Variants in FBXL7 observed in about 807,000 individuals in gnomAD.
FBXL7 encodes F-box/LRR-repeat protein 7.
In FBXL7, 12 loss-of-function variants were observed where a neutral mutation model predicts 38.3. The observed-to-expected ratio is 0.31, with a 90% CI of 0.20 to 0.51. FBXL7 has a LOEUF of 0.51. Ranked by LOEUF, FBXL7 falls within the 20% of genes least tolerant of loss-of-function variation. The pLI is 0.98. For synonymous variants in FBXL7, 297 were observed against 300.9 expected, an observed-to-expected ratio of 0.99 and a Z score of 0.13; for missense variants, 567 against 676.4, an observed-to-expected ratio of 0.84 and a Z score of 1.79.
At chr5:15,883,315 C>G (rs919969075) in intron 2 of FBXL7, among the ~76,000 whole-genome samples, 2 of 152,016 alleles carry the variant, frequency 1.3e-5, no homozygotes, top group Admixed American at 6.6e-5. Context: ...ATTTGTTTTT[C>G]TTTAATTTTT....
Position 15,702,235 on chromosome 5 carries a change from C to CAAA in FBXL7, c.127+86179_127+86181dup, listed in dbSNP as rs34269968. ...CCTGGAAACAAAGCGAGACTCCTCTCAAAAAAAAAAAAAAAAAATTCACAG... is the reference window on the plus strand; with the variant it reads ...CCTGGAAACAAAGCGAGACTCCTCTCAAAAAAAAAAAAAAAAAAAAATTCACAG... On this transcript the variant is annotated intron_variant, in intron 2 of 3. Coordinates refer to ENST00000504595, the MANE Select transcript of FBXL7 (RefSeq NM_012304.5). 8.4e-4 allele frequency among the ~76,000 whole-genome samples: 115 copies of CAAA among 137,118 alleles called. No individual in the cohort carries two copies. The East Asian group carries it at 0.016, about 19-fold the overall frequency. The allele number at this position is 137,118 out of a possible 152,430, so 90.0% of individuals were successfully genotyped here.
chr5:15,644,538 CAGAG>C (rs113093652), intron 2 of FBXL7, among the ~76,000 whole-genome samples: 28 of 149,764 alleles, frequency 1.9e-4, no homozygotes, highest in African/African-American at 4.4e-4. Context: ...GGTGGGGGGA[CAGAG>C]AGAGAGAGAG....
chr5:15,643,056 G>T (rs1227545456), intron 2 of FBXL7, among the ~76,000 whole-genome samples: 1 of 152,008 alleles, frequency 6.6e-6, no homozygotes, highest in Non-Finnish European at 1.5e-5. Context: ...TGTTTCAGAG[G>T]GTCTGCATTG....
At chr5:15,595,070 G>A (rs1304697721) in intron 1 of FBXL7, among the ~76,000 whole-genome samples, 1 of 152,202 alleles carries the variant, frequency 6.6e-6, no homozygotes, top group East Asian at 1.9e-4. Flanking sequence ...TCCACGTGTA[G>A]TCTTTTCGCC....
intron 2 of FBXL7, among the ~76,000 whole-genome samples, chr5:15,915,863 G>T (rs1234617545): frequency 6.6e-6 from 1 of 152,134 alleles, no homozygotes; most frequent in African/African-American, 2.4e-5. Flanking sequence ...ACTTGAGCAG[G>T]GTGGGAGCAG....
chr5:15,610,854 G>A (rs1260180727), intron 1 of FBXL7, among the ~76,000 whole-genome samples: 1 of 152,076 alleles, frequency 6.6e-6, no homozygotes, highest in Non-Finnish European at 1.5e-5. Context: ...ACCCTATGAG[G>A]CAGGAATTGA....
intron 2 of FBXL7, among the ~76,000 whole-genome samples, chr5:15,800,718 T>C (rs1391256134): frequency 1.3e-5 from 2 of 152,176 alleles, no homozygotes; most frequent in South Asian, 2.1e-4. Context: ...TCTCAGCATA[T>C]GGAGGTGCAT....
At chr5:15,649,697 CTT>C (rs34675600) in intron 2 of FBXL7, among the ~76,000 whole-genome samples, 6 of 146,324 alleles carry the variant, frequency 4.1e-5, no homozygotes, top group Admixed American at 6.8e-5. Flanking sequence ...TCTTTCTTTT[CTT>C]TTTTTTTTTT....
intron 2 of FBXL7, among the ~76,000 whole-genome samples, chr5:15,653,678 A>C (rs1741780988): frequency 6.6e-6 from 1 of 152,238 alleles, no homozygotes; most frequent in Non-Finnish European, 1.5e-5. Context: ...ACAATATGTA[A>C]AAGCCATTGA....
chr5:15,714,724 C>T (rs1314249617), intron 2 of FBXL7, among the ~76,000 whole-genome samples: 1 of 151,856 alleles, frequency 6.6e-6, no homozygotes, highest in Non-Finnish European at 1.5e-5. Context: ...TGGCGGGCGC[C>T]TGTAGTCCCA....
chr5:15,671,171 A>G (rs933472355), intron 2 of FBXL7, among the ~76,000 whole-genome samples: 2 of 152,310 alleles, frequency 1.3e-5, no homozygotes, highest in South Asian at 4.2e-4. Flanking sequence ...TGTAGTGGGA[A>G]GAATGCAAAG....
intron 2 of FBXL7, among the ~76,000 whole-genome samples, chr5:15,636,858 T>C (rs1025059934): frequency 6.6e-6 from 1 of 152,182 alleles, no homozygotes; most frequent in Non-Finnish European, 1.5e-5. Flanking sequence ...ATTGGGAAAA[T>C]ACAGTAAAAT....
intron 1 of FBXL7, among the ~76,000 whole-genome samples, chr5:15,520,712 T>C (rs1737072884): frequency 1.3e-5 from 2 of 152,228 alleles, no homozygotes; most frequent in South Asian, 4.1e-4. Context: ...TTACCTTTAT[T>C]TAGCAAAGAA....
In FBXL7 at chr5:15,688,043, G is replaced by T. The variant is rs1246506591; in HGVS notation, c.127+71971G>T. ...AAAGCATGCAACTAGACTAGCGATT[G>T]CATCTTCCTGGATAGAAGAGCCTAA... On this transcript the variant is annotated intron_variant, in intron 2 of 3. Coordinates refer to ENST00000504595, the MANE Select transcript of FBXL7 (RefSeq NM_012304.5). Among the ~76,000 whole-genome samples, 6 of 152,316 alleles carry T rather than the reference G, an allele frequency of 3.9e-5. No homozygotes were observed. In the East Asian group the frequency reaches 5.8e-4, roughly 15 times the overall value.
chr5:15,661,178 ACAAATT>A (rs772116270), intron 2 of FBXL7, among the ~76,000 whole-genome samples: 2 of 152,158 alleles, frequency 1.3e-5, no homozygotes, highest in Non-Finnish European at 2.9e-5. Flanking sequence ...TTAGGATGAC[ACAAATT>A]CAAATTCAAA....
chr5:15,782,896 G>T (rs1015054352), intron 2 of FBXL7, among the ~76,000 whole-genome samples: 1 of 152,094 alleles, frequency 6.6e-6, no homozygotes, highest in Non-Finnish European at 1.5e-5. Context: ...TCTAGGAAAT[G>T]AATTTTCCTA....
chr5:15,587,612 T>C (rs745907226), intron 1 of FBXL7, among the ~76,000 whole-genome samples: 1 of 152,176 alleles, frequency 6.6e-6, no homozygotes. Context: ...CTGTGAGTTA[T>C]GTATGAGTCT....
chr5:15,507,786 A>G (rs565206121), intron 1 of FBXL7, among the ~76,000 whole-genome samples: 7 of 152,256 alleles, frequency 4.6e-5, no homozygotes, highest in East Asian at 1.9e-4. Context: ...GCTCACTCCT[A>G]TAATCCCAGC....
intron 1 of FBXL7, among the ~76,000 whole-genome samples, chr5:15,577,413 A>T (rs1479784252): frequency 6.6e-6 from 1 of 152,198 alleles, no homozygotes; most frequent in Non-Finnish European, 1.5e-5. Flanking sequence ...GTAATTATGG[A>T]AAGTGTCTAT....
Sources: gnomAD v4.1 joint callset for allele counts (sites outside exome capture counted in the v4.1 genomes callset) on GRCh38, gnomAD v4.1.1 for gene constraint, MANE v1.5 for transcripts, NCBI Gene and HGNC (gene_info 2026-07-23, HGNC 2026-07-21) for gene names.